Variants in MED13 observed in about 807,000 individuals in gnomAD.
MED13 encodes the protein mediator complex subunit 13.
A neutral mutation model predicts 225.2 loss-of-function variants in MED13; 23 were observed. The ratio of observed to expected loss-of-function variants is 0.10; its 90% CI spans 0.07 to 0.14. The LOEUF (loss-of-function observed/expected upper bound fraction) is 0.14. Ranked by LOEUF, MED13 falls within the 10% of genes least tolerant of loss-of-function variation. The pLI is 1.00. For missense variants in MED13, 2,197 were observed against 2,594.5 expected, an observed-to-expected ratio of 0.85 and a Z score of 3.33; for synonymous variants, 942 against 889.2, an observed-to-expected ratio of 1.06 and a Z score of -1.06.
chr17:62,034,998 G>A (rs1471739497), intron 4 of MED13, among the ~76,000 whole-genome samples: 3 of 152,088 alleles, frequency 2.0e-5, no homozygotes, highest in African/African-American at 4.8e-5. Context: ...GAACGCGCCT[G>A]TAACCCCAGC....
intron 20 of MED13, among the ~76,000 whole-genome samples, chr17:61,963,836 T>G (rs1211856151): frequency 6.6e-6 from 1 of 152,198 alleles, no homozygotes; most frequent in East Asian, 1.9e-4. Flanking sequence ...CAACTTGGCC[T>G]ATAAATCAAA....
intron 9 of MED13, among the ~76,000 whole-genome samples, chr17:62,001,456 T>C (rs2080394428): frequency 6.6e-6 from 1 of 152,232 alleles, no homozygotes; most frequent in African/African-American, 2.4e-5. Context: ...TTGGTGAGTT[T>C]TTCCAAAATC....
rs751785865 is a variant in MED13 at position 62,063,048 on chromosome 17, A to T, written c.301+19T>A. The T allele has an allele frequency of 6.4e-7, 1 of 1,569,270 alleles. No homozygotes were observed. The highest frequency in any genetic ancestry group is 1.1e-5 in the South Asian group (1 of 90,154). On this transcript the variant is annotated intron_variant, in intron 2 of 29. Coordinates refer to ENST00000397786, the MANE Select transcript of MED13 (RefSeq NM_005121.3). ...CAATGTTGCTATATCATTAGTTAGAAATGGAAAGTTTCTTTCACCTGATAA... is the reference window on the plus strand; with the variant it reads ...CAATGTTGCTATATCATTAGTTAGATATGGAAAGTTTCTTTCACCTGATAA...
chr17:61,955,935 A>G, intron 24 of MED13, 97 bp from the exon 25 acceptor site: 1 of 1,376,244 alleles, frequency 7.3e-7, no homozygotes, highest in African/African-American at 1.5e-5. Flanking sequence ...GTTAAAATAT[A>G]AAAATAGTTA....
rs1415550083 is a variant in MED13, at chr17:61,972,713, T to C, written c.3967+14A>G. On this transcript the variant is annotated intron_variant, in intron 17 of 29. Transcript: ENST00000397786. The stretch of plus-strand genomic sequence containing the variant: ...TATAAAATTAGTCATTATATATCAC[T>C]ATAAATTACTTACCATAAGAGCCTC... 1 of 1,594,404 alleles carries C rather than the reference T, an allele frequency of 6.3e-7. No individual in the cohort carries two copies. The highest frequency in any genetic ancestry group is 1.4e-5 in the African/African-American group (1 of 73,804).
chr17:61,985,127 C>T, intron 12 of MED13, 37 bp from the exon 13 acceptor site: 2 of 1,520,780 alleles, frequency 1.3e-6, no homozygotes, highest in Non-Finnish European at 1.8e-6. Context: ...TAAAATTTTA[C>T]ATCCAATGTG....
At chr17:62,052,072 AAAC>A (rs1437496945) in intron 3 of MED13, among the ~76,000 whole-genome samples, 1 of 152,190 alleles carries the variant, frequency 6.6e-6, no homozygotes, top group Non-Finnish European at 1.5e-5. Flanking sequence ...CTTATATAGA[AAAC>A]ACAAATTTAA....
chr17:61,966,546 C>G lies in MED13; in HGVS notation c.4297G>C (p.Glu1433Gln), dbSNP rs1273459443. 20 of 1,613,864 alleles carry G rather than the reference C, an allele frequency of 1.2e-5. No homozygotes were observed. Among genetic ancestry groups the G allele is most frequent in the Non-Finnish European group, 1.5e-5 (18 of 1,179,900 alleles). The change falls in exon 19 of 30, where the codon GAA (glutamate) becomes CAA (glutamine). Residue 1433 changes from glutamate to glutamine, a missense_variant. Glu to Gln is a conservative substitution (Grantham distance 29, BLOSUM62 2). This residue lies in a region of MED13 where 457 missense variants were observed against 442.2 expected (regional missense o/e 1.03). Coordinates refer to ENST00000397786, the MANE Select transcript of MED13 (RefSeq NM_005121.3). ...SKKLSEKLVA[E>Q]WFSQAADGNN... ...CCGTCAGCTGCCTGAGAAAACCATT[C>G]TGCTACCAACTTTTCTGATAGTTTC...
chr17:62,033,829 C>A lies in MED13; in HGVS notation c.772G>T (p.Asp258Tyr). The change falls in exon 5 of 30, where the codon GAT (aspartate) becomes TAT (tyrosine). Residue 258 changes from aspartate (D) to tyrosine (Y), a missense_variant. Asp to Tyr is a radical substitution (Grantham distance 160). This residue lies in a region of MED13 where 884 missense variants were observed against 918.5 expected (regional missense o/e 0.96). Coordinates refer to ENST00000397786, the MANE Select transcript of MED13 (RefSeq NM_005121.3). The part of the protein sequence containing the change: ...EMSEEKQEDM[D>Y]WEDDSLAAVE... ...GCAGCTAAAGAATCATCTTCCCAAT[C>A]CATATCTTCCTGTTTTTCTTCAGAC... 2 of 1,614,116 alleles carry A rather than the reference C, an allele frequency of 1.2e-6. No homozygotes were observed. The highest frequency in any genetic ancestry group is 1.7e-6 in the Non-Finnish European group (2 of 1,180,010).
At chr17:62,062,631 T>G (rs2081050135) in intron 2 of MED13, among the ~76,000 whole-genome samples, 1 of 144,516 alleles carries the variant, frequency 6.9e-6, no homozygotes, top group Non-Finnish European at 1.6e-5. Flanking sequence ...CACACACGGA[T>G]AGTTACATTT....
intron 5 of MED13, among the ~76,000 whole-genome samples, chr17:62,032,848 GA>G (rs1162441739): frequency 5.3e-5 from 8 of 152,094 alleles, no homozygotes; most frequent in African/African-American, 1.9e-4. Context: ...CAGCCAATCT[GA>G]AAAAATCTGA....
rs373336007 is a variant in MED13 at position 61,942,832 on chromosome 17, C to A, written c.*3636G>T. 4 of 152,416 alleles carry A rather than the reference C, an allele frequency of 2.6e-5. No individual in the cohort carries two copies. Among genetic ancestry groups the A allele is most frequent in the Non-Finnish European group, 5.9e-5 (4 of 67,958 alleles). 9.4% of individuals were successfully genotyped at this position (152,416 alleles called of 1,614,324 possible). The stretch of plus-strand genomic sequence containing the variant: ...ACTGCTAAACAACAACTTTAAAACG[C>A]CCCTTCATAAAGTGACCAAGCTATT... On this transcript the variant is annotated 3_prime_UTR_variant, in exon 30 of 30. Transcript: ENST00000397786.
chr17:62,034,084 AGAAAAG>A, intron 4 of MED13, 100 bp from the exon 5 acceptor site: 1 of 992,676 alleles, frequency 1.0e-6, no homozygotes, highest in Non-Finnish European at 1.5e-6. Context: ...ATTATAAAAA[AGAAAAG>A]GAAACCAGTA....
chr17:61,954,538 A>G (rs2079925045), intron 26 of MED13, among the ~76,000 whole-genome samples: 1 of 152,164 alleles, frequency 6.6e-6, no homozygotes, highest in African/African-American at 2.4e-5. Context: ...GCACTTTGGG[A>G]GGCCAAGGTG....
At chr17:62,014,310 T>TTATATATATATATATATA (rs79817498) in intron 8 of MED13, among the ~76,000 whole-genome samples, 122 of 143,090 alleles carry the variant, frequency 8.5e-4, no homozygotes, top group African/African-American at 3.1e-3. Context: ...GTATATGTTT[T>TTATATATATATATATATA]TATATATATA....
intron 20 of MED13, 103 bp downstream of exon 20, chr17:61,964,903 T>A (rs1241968066): frequency 1.8e-6 from 2 of 1,122,598 alleles, no homozygotes; most frequent in East Asian, 2.6e-5. Flanking sequence ...ACCACTGCAG[T>A]ACAGCCTGCG....
In MED13 at chr17:61,944,758, C is replaced by T. The variant is rs1025441702; in HGVS notation, c.*1710G>A. ...TTTGTCCTTGTAGATAATTAGTGAA[C>T]GTACAAATAGAAATTTTGCTAGACT... On this transcript the variant is annotated 3_prime_UTR_variant, in exon 30 of 30. Coordinates refer to ENST00000397786, the MANE Select transcript of MED13 (RefSeq NM_005121.3). The T allele has an allele frequency of 6.6e-6, 1 of 152,350 alleles. No individual in the cohort carries two copies. The highest frequency in any genetic ancestry group is 6.6e-5 in the Admixed American group (1 of 15,260). The allele number at this position is 152,350 out of a possible 1,614,324, so 9.4% of individuals were successfully genotyped here. A position where few individuals can be genotyped will look rare whatever the true frequency, so the allele number is the denominator to read the frequency against.
At chr17:62,055,556 C>A (rs1016785054) in intron 2 of MED13, among the ~76,000 whole-genome samples, 3 of 152,100 alleles carry the variant, frequency 2.0e-5, no homozygotes, top group African/African-American at 7.2e-5. Flanking sequence ...TGTGCGGTGG[C>A]TCATGCCTAT....
At chr17:62,033,486 CCAG>C (rs2080775577) in intron 5 of MED13, among the ~76,000 whole-genome samples, 1 of 152,286 alleles carries the variant, frequency 6.6e-6, no homozygotes, top group African/African-American at 2.4e-5. Flanking sequence ...ACACCATATC[CCAG>C]CAGAAGCTCT....
Sources: allele counts gnomAD v4.1 joint callset (sites outside exome capture counted in the v4.1 genomes callset), GRCh38; gene constraint gnomAD v4.1.1; regional missense constraint gnomAD v4.1.1; transcripts MANE v1.5; gene names NCBI Gene and HGNC (gene_info 2026-07-23, HGNC 2026-07-21).